HDAC9: variants seen among roughly 807,000 people sequenced by gnomAD.
HDAC9 encodes histone deacetylase 9.
A neutral mutation model predicts 139.4 loss-of-function variants in HDAC9; 41 were observed. That is an observed-to-expected ratio of 0.29 (90% CI 0.23 to 0.38). HDAC9 has a LOEUF of 0.38. HDAC9 is among the 10% of genes least tolerant of loss of function. The pLI is 1.00. For missense variants in HDAC9, 1,147 were observed against 1,297.0 expected (o/e 0.88, Z 1.78); for synonymous variants, 517 against 476.2 (o/e 1.09, Z -1.12).
intron 22 of HDAC9, among the ~76,000 whole-genome samples, chr7:18,931,151 T>C (rs1804705558): frequency 6.6e-6 from 1 of 152,232 alleles, no homozygotes; most frequent in Admixed American, 6.5e-5. Flanking sequence ...TCCTTACCTA[T>C]TAGGTTTTTT....
chr7:18,860,686 C>A (rs927469908), intron 21 of HDAC9, among the ~76,000 whole-genome samples: 27 of 151,536 alleles, frequency 1.8e-4, no homozygotes, highest in African/African-American at 6.5e-4. Context: ...AAAAGGAAGA[C>A]GGAAGAAAGG....
At chr7:18,805,534 A>C (rs771440554) in intron 17 of HDAC9, among the ~76,000 whole-genome samples, 78 of 152,324 alleles carry the variant, frequency 5.1e-4, no homozygotes, top group South Asian at 4.1e-4. Flanking sequence ...GCCAGTGGAC[A>C]CTGCGCAGAA....
At chr7:18,503,820 T>C (rs768663597) in intron 2 of HDAC9, among the ~76,000 whole-genome samples, 5 of 152,220 alleles carry the variant, frequency 3.3e-5, no homozygotes, top group Admixed American at 1.3e-4. Context: ...ATTGACCCAG[T>C]TGCAGCCATG....
At chr7:18,106,936 A>G (rs1273831607) in intron 1 of HDAC9, among the ~76,000 whole-genome samples, 1 of 152,222 alleles carries the variant, frequency 6.6e-6, no homozygotes, top group Non-Finnish European at 1.5e-5. Context: ...GGAGTACCCT[A>G]CAAATGAAAA....
chr7:18,573,534 G>A (rs1020813689), intron 2 of HDAC9, among the ~76,000 whole-genome samples: 12 of 152,214 alleles, frequency 7.9e-5, no homozygotes, highest in Admixed American at 2.6e-4. Flanking sequence ...TCAACAGGCT[G>A]CACTCGGCTC....
Position 18,771,584 on chromosome 7 carries a change from T to C in HDAC9, c.2214+4429T>C, listed in dbSNP as rs146356457. On this transcript the variant is annotated intron_variant, in intron 16 of 25. Transcript: ENST00000686413. ...GTGTGTTTATATATACAAGAAACAT[T>C]GTATATACACATACATAATCAGGAG... is the stretch of plus-strand genomic sequence containing the variant. Among the ~76,000 whole-genome samples the C allele has an allele frequency of 4.5e-3, 684 of 152,146 alleles. 2 individuals carry two copies. The highest frequency in any genetic ancestry group is 0.016 in the African/African-American group (657 of 41,528).
At chr7:18,271,374 C>T (rs1164118120) in intron 2 of HDAC9, among the ~76,000 whole-genome samples, 1 of 152,180 alleles carries the variant, frequency 6.6e-6, no homozygotes, top group African/African-American at 2.4e-5. Flanking sequence ...ACATTAGATA[C>T]ATACATTTTA....
chr7:18,839,722 T>C (rs1352463999), intron 21 of HDAC9, among the ~76,000 whole-genome samples: 1 of 152,112 alleles, frequency 6.6e-6, no homozygotes, highest in Non-Finnish European at 1.5e-5. Flanking sequence ...CTTGTCTTTA[T>C]TGAACAAATC....
intron 13 of HDAC9, among the ~76,000 whole-genome samples, chr7:18,740,050 C>T (rs1787302360): frequency 6.6e-6 from 1 of 152,226 alleles, no homozygotes; most frequent in Admixed American, 6.5e-5. Flanking sequence ...CTGAGCAAGG[C>T]TCTATGAGCG....
intron 1 of HDAC9, among the ~76,000 whole-genome samples, chr7:18,330,609 A>C (rs955041119): frequency 2.6e-5 from 4 of 151,388 alleles, no homozygotes; most frequent in South Asian, 2.1e-4. Context: ...GAAAAAAAAA[A>C]CAACCAAAAA....
intron 1 of HDAC9, among the ~76,000 whole-genome samples, chr7:18,339,594 A>T: frequency 6.6e-6 from 1 of 151,630 alleles, no homozygotes. Flanking sequence ...CCTTACAGTT[A>T]TACACTAAAA....
At chr7:18,122,807 TG>T (rs1784434541) in intron 1 of HDAC9, among the ~76,000 whole-genome samples, 1 of 152,082 alleles carries the variant, frequency 6.6e-6, no homozygotes, top group Non-Finnish European at 1.5e-5. Context: ...TTAGTTGAGA[TG>T]GGGTTTCACC....
intron 12 of HDAC9, among the ~76,000 whole-genome samples, chr7:18,720,988 T>C (rs1785104012): frequency 6.6e-6 from 1 of 152,124 alleles, no homozygotes; most frequent in Non-Finnish European, 1.5e-5. Context: ...CTATTTTTAT[T>C]TTCTTTTTTC....
intron 1 of HDAC9, among the ~76,000 whole-genome samples, chr7:18,326,410 A>T (rs1277994919): frequency 6.6e-6 from 1 of 152,068 alleles, no homozygotes; most frequent in Admixed American, 6.6e-5. Context: ...GATAACACAT[A>T]TTCAGAAATA....
chr7:18,836,375 T>C (rs569019914), intron 21 of HDAC9, among the ~76,000 whole-genome samples: 15 of 152,222 alleles, frequency 9.9e-5, no homozygotes, highest in African/African-American at 3.1e-4. Context: ...TCAAACTTCA[T>C]TGGACTACAG....
intron 2 of HDAC9, among the ~76,000 whole-genome samples, chr7:18,215,968 T>C (rs1792278263): frequency 6.6e-6 from 1 of 152,146 alleles, no homozygotes; most frequent in South Asian, 2.1e-4. Context: ...TAGAGTTGTG[T>C]CATTTCTTCA....
chr7:18,175,772 C>G (rs976715453), intron 2 of HDAC9, among the ~76,000 whole-genome samples: 3 of 134,380 alleles, frequency 2.2e-5, no homozygotes, highest in Admixed American at 7.6e-5. Flanking sequence ...TTTTTAACCC[C>G]CCCCCCCCTT....
intron 1 of HDAC9, among the ~76,000 whole-genome samples, chr7:18,108,707 T>C (rs1378497908): frequency 6.7e-6 from 1 of 149,934 alleles, no homozygotes; most frequent in Non-Finnish European, 1.5e-5. Context: ...CTCTGCCTCC[T>C]GCCTCCCAGA....
intron 21 of HDAC9, among the ~76,000 whole-genome samples, chr7:18,861,276 C>G (rs1798084881): frequency 6.6e-6 from 1 of 152,138 alleles, no homozygotes; most frequent in African/African-American, 2.4e-5. Flanking sequence ...TTAATGACTT[C>G]TACCAACTCC....
Sources: gnomAD v4.1 joint callset for allele counts (sites outside exome capture counted in the v4.1 genomes callset) on GRCh38, gnomAD v4.1.1 for gene constraint, MANE v1.5 for transcripts, NCBI Gene and HGNC (gene_info 2026-07-23, HGNC 2026-07-21) for gene names.